The following DACH2 variants were observed in gnomAD, a reference collection of about 807,000 sequenced individuals.
DACH2 encodes dachshund family transcription factor 2, also known as dachshund homolog 2.
DACH2 carries 17 observed loss-of-function variants against 35.8 expected under a neutral mutation model. The observed-to-expected ratio is 0.48, with a 90% CI of 0.33 to 0.71. DACH2 has a LOEUF of 0.71. Among genes scored for constraint, DACH2 ranks in the 30% least tolerant of loss-of-function variants. DACH2 has a pLI of 0.02. For missense variants in DACH2, 469 were observed against 472.7 expected (o/e 0.99, Z 0.07); for synonymous variants, 195 against 177.3 (o/e 1.10, Z -0.79).
chrX:86,590,084 A>T (rs1260754249), intron 3 of DACH2, among the ~76,000 whole-genome samples: 1 of 111,724 alleles, frequency 9.0e-6, no homozygotes, highest in East Asian at 2.8e-4. Context: ...GTAGAAATTT[A>T]GTCCCCATTA....
intron 1 of DACH2, among the ~76,000 whole-genome samples, chrX:86,334,999 C>T (rs2035279578): frequency 8.9e-6 from 1 of 112,193 alleles, no homozygotes; most frequent in Admixed American, 9.4e-5. Flanking sequence ...TTCCCAACAA[C>T]ATTTATTAAA....
At chrX:86,818,585 A>G in intron 11 of DACH2, among the ~76,000 whole-genome samples, 1 of 111,186 alleles carries the variant, frequency 9.0e-6, no homozygotes, top group Non-Finnish European at 1.9e-5. Flanking sequence ...TTTTTGTGAC[A>G]TTTTGATACT....
intron 3 of DACH2, among the ~76,000 whole-genome samples, chrX:86,578,691 C>G (rs2039465833): frequency 9.0e-6 from 1 of 111,720 alleles, no homozygotes; most frequent in Admixed American, 9.5e-5. Flanking sequence ...TGGCAGTCAC[C>G]ATATTTTTGG....
intron 2 of DACH2, among the ~76,000 whole-genome samples, chrX:86,468,875 A>G (rs1008143490): frequency 1.2e-4 from 13 of 111,911 alleles, no homozygotes; most frequent in African/African-American, 4.2e-4. Context: ...AAGAATATGA[A>G]TCAATATGTC....
chrX:86,613,612 C>T (rs1043508067), intron 3 of DACH2, among the ~76,000 whole-genome samples: 3 of 111,285 alleles, frequency 2.7e-5, no homozygotes, highest in Admixed American at 9.6e-5. Context: ...TTCAGTTCTT[C>T]GTTTTGCCTA....
intron 11 of DACH2, among the ~76,000 whole-genome samples, chrX:86,817,888 A>G (rs928505894): frequency 8.9e-6 from 1 of 112,074 alleles, no homozygotes; most frequent in African/African-American, 3.2e-5. Flanking sequence ...ACTTGTTTTC[A>G]TTGTGCATAC....
At chrX:86,524,811 A>G (rs768708321) in intron 3 of DACH2, among the ~76,000 whole-genome samples, 6 of 111,068 alleles carry the variant, frequency 5.4e-5, no homozygotes, top group Non-Finnish European at 9.4e-5. Flanking sequence ...GGAGGGGAGA[A>G]ATTTAAGCAA....
chrX:86,470,359 G>C (rs769387623), intron 2 of DACH2, among the ~76,000 whole-genome samples: 13 of 111,110 alleles, frequency 1.2e-4, no homozygotes, highest in African/African-American at 4.2e-4. Flanking sequence ...CAATGGACAG[G>C]GCATTTATCT....
chrX:86,413,102 C>T (rs192977395), intron 2 of DACH2, among the ~76,000 whole-genome samples: 2 of 111,481 alleles, frequency 1.8e-5, no homozygotes, highest in East Asian at 5.7e-4. Flanking sequence ...GGTAGAAGTT[C>T]CCTAAATTTT....
intron 1 of DACH2, among the ~76,000 whole-genome samples, chrX:86,336,889 G>C (rs991485727): frequency 1.8e-5 from 2 of 108,809 alleles, no homozygotes; most frequent in Non-Finnish European, 3.8e-5. Flanking sequence ...TAAATGACCT[G>C]ATAGAGCTGA....
intron 3 of DACH2, among the ~76,000 whole-genome samples, chrX:86,535,778 C>T (rs758418245): frequency 9.0e-6 from 1 of 110,623 alleles, no homozygotes; most frequent in African/African-American, 3.3e-5. Context: ...GAAGGGGTCC[C>T]GAGCAGGTAG....
chrX:86,664,405 G>T (rs915933082), intron 4 of DACH2, among the ~76,000 whole-genome samples: 7 of 111,167 alleles, frequency 6.3e-5, no homozygotes, highest in African/African-American at 2.3e-4. Flanking sequence ...GGGAGTTGGA[G>T]GAATCAAAGG....
chrX:86,477,113 T>A (rs2037855220), intron 2 of DACH2, among the ~76,000 whole-genome samples: 1 of 109,989 alleles, frequency 9.1e-6, no homozygotes, highest in South Asian at 3.8e-4. Flanking sequence ...TAAGAATGTA[T>A]TCTGTAGCTA....
At chrX:86,739,129 C>A (rs2041627213) in intron 6 of DACH2, among the ~76,000 whole-genome samples, 1 of 111,728 alleles carries the variant, frequency 9.0e-6, no homozygotes, top group Non-Finnish European at 1.9e-5. Context: ...CCGCCTTGGC[C>A]TCCCAAAGTG....
chrX:86,645,688 G>T (rs2040407037), intron 3 of DACH2, among the ~76,000 whole-genome samples: 1 of 110,989 alleles, frequency 9.0e-6, no homozygotes, highest in Admixed American at 9.6e-5. Flanking sequence ...AAGAAAATGT[G>T]GTATATATAC....
chrX:86,822,327 A>G (rs1020080691), intron 11 of DACH2, among the ~76,000 whole-genome samples: 3 of 111,953 alleles, frequency 2.7e-5, no homozygotes, highest in Non-Finnish European at 5.6e-5. Flanking sequence ...GAGAATGAGG[A>G]ATTCATAACC....
chrX:86,161,561 T>G (rs2147863923), intron 1 of DACH2, among the ~76,000 whole-genome samples: 1 of 112,409 alleles, frequency 8.9e-6, no homozygotes, highest in East Asian at 2.8e-4. Context: ...ATCAGATTTT[T>G]GTGAAGCGTT....
intron 6 of DACH2, among the ~76,000 whole-genome samples, chrX:86,734,064 A>G (rs1254077296): frequency 1.8e-5 from 2 of 110,748 alleles, no homozygotes; most frequent in African/African-American, 6.6e-5. Context: ...CTTGGAAACC[A>G]TGCATTTTTC....
chrX:86,364,384 G>A (rs752158021), intron 1 of DACH2, among the ~76,000 whole-genome samples: 2 of 111,581 alleles, frequency 1.8e-5, no homozygotes, highest in South Asian at 3.7e-4. Context: ...AATAAGCAGA[G>A]TAAAAGACTA....
Sources: allele counts gnomAD v4.1 joint callset (sites outside exome capture counted in the v4.1 genomes callset), GRCh38; gene constraint gnomAD v4.1.1; transcripts MANE v1.5; gene names NCBI Gene and HGNC (gene_info 2026-07-23, HGNC 2026-07-21).